The following STK17A variants were observed in gnomAD, a reference collection of about 807,000 sequenced individuals.
STK17A encodes serine/threonine-protein kinase 17A.
STK17A carries 26 observed loss-of-function variants against 43.7 expected under a neutral mutation model. The observed-to-expected ratio is 0.60, with a 90% CI of 0.44 to 0.83. The LOEUF (loss-of-function observed/expected upper bound fraction) is 0.83, where lower values mean the gene tolerates loss of function less well. Among genes scored for constraint, STK17A ranks in the 40% least tolerant of loss-of-function variants. The pLI, the probability that STK17A is intolerant of heterozygous loss-of-function variation, is 0.00. For synonymous variants in STK17A, 191 were observed against 182.5 expected, an observed-to-expected ratio of 1.05 and a Z score of -0.38; for missense variants, 476 against 511.6, an observed-to-expected ratio of 0.93 and a Z score of 0.67.
intron 1 of STK17A, among the ~76,000 whole-genome samples, chr7:43,589,473 T>C (rs1317353004): frequency 6.6e-6 from 1 of 151,426 alleles, no homozygotes; most frequent in Non-Finnish European, 1.5e-5. Flanking sequence ...TATTCTATTA[T>C]CTCTTCACCT....
intron 1 of STK17A, among the ~76,000 whole-genome samples, chr7:43,583,894 C>A (rs73102723): frequency 6.6e-6 from 1 of 152,062 alleles, no homozygotes; most frequent in South Asian, 2.1e-4. Context: ...ATACAGCATC[C>A]GTTGTGACCG....
At chr7:43,595,123 T>G (rs890878247) in intron 1 of STK17A, among the ~76,000 whole-genome samples, 4 of 152,114 alleles carry the variant, frequency 2.6e-5, no homozygotes, top group Non-Finnish European at 5.9e-5. Flanking sequence ...GAAAATACAT[T>G]TCTAGCTGAC....
At chr7:43,618,841 G>A (rs942819746) in intron 3 of STK17A, among the ~76,000 whole-genome samples, 2 of 152,078 alleles carry the variant, frequency 1.3e-5, no homozygotes, top group Non-Finnish European at 2.9e-5. Flanking sequence ...GAGAACTTAG[G>A]GTAGAAGTCA....
chr7:43,591,150 T>C (rs1454170376), intron 1 of STK17A, among the ~76,000 whole-genome samples: 1 of 151,510 alleles, frequency 6.6e-6, no homozygotes, highest in Non-Finnish European at 1.5e-5. Context: ...TGGTATGTGG[T>C]ATTAGAATGA....
intron 1 of STK17A, among the ~76,000 whole-genome samples, chr7:43,586,412 T>G (rs1238206435): frequency 6.6e-6 from 1 of 151,606 alleles, no homozygotes. Flanking sequence ...CTTTCATGTC[T>G]CCAACAGAGT....
chr7:43,583,140 G>A lies in STK17A; in HGVS notation c.-104G>A. ...GAGCGCCGCGCTGGGGAGAGCGGGT[G>A]TTTGAAGGCTCCGCGGACCGGCACT... On this transcript the variant is annotated 5_prime_UTR_variant, in exon 1 of 7. Coordinates refer to ENST00000319357, the MANE Select transcript of STK17A (RefSeq NM_004760.3). 13 of 1,285,640 alleles carry A rather than the reference G, an allele frequency of 1.0e-5. No individual in the cohort carries two copies. Among genetic ancestry groups the A allele is most frequent in the Admixed American group, 2.5e-5 (1 of 40,698 alleles). The allele number at this position is 1,285,640 out of a possible 1,614,324, so 79.6% of individuals were successfully genotyped here.
chr7:43,607,826 T>G (rs929290024), intron 2 of STK17A, among the ~76,000 whole-genome samples: 2 of 152,152 alleles, frequency 1.3e-5, no homozygotes, highest in African/African-American at 4.8e-5. Flanking sequence ...ATGCAGTTCT[T>G]TATTTCAATT....
At chr7:43,589,757 T>C (rs1488531624) in intron 1 of STK17A, among the ~76,000 whole-genome samples, 1 of 146,864 alleles carries the variant, frequency 6.8e-6, no homozygotes, top group Non-Finnish European at 1.6e-5. Flanking sequence ...TTTAAACATA[T>C]TCTCTCTTCC....
At chr7:43,614,441 T>A (rs2083164402) in intron 3 of STK17A, among the ~76,000 whole-genome samples, 1 of 152,228 alleles carries the variant, frequency 6.6e-6, no homozygotes. Context: ...TTAACTAAAT[T>A]GTAAATGCTG....
intron 1 of STK17A, 24 bp from the exon 2 acceptor site, chr7:43,595,877 G>T: frequency 1.9e-6 from 3 of 1,607,354 alleles, no homozygotes; most frequent in Non-Finnish European, 2.6e-6. Context: ...AACTTTAACA[G>T]TGAATGTTTT....
Position 43,583,148 on chromosome 7 carries a change from G to C in STK17A, c.-96G>C, listed in dbSNP as rs1196067272. On this transcript the variant is annotated 5_prime_UTR_variant, in exon 1 of 7. Transcript: ENST00000319357. ...CGCTGGGGAGAGCGGGTGTTTGAAG[G>C]CTCCGCGGACCGGCACTAGGAGCCG... 14 of 1,354,442 alleles carry C rather than the reference G, an allele frequency of 1.0e-5. No individual in the cohort carries two copies. The highest frequency in any genetic ancestry group is 1.4e-5 in the Non-Finnish European group (14 of 996,896). 83.9% of individuals were successfully genotyped at this position (1,354,442 alleles called of 1,614,324 possible).
chr7:43,605,139 A>G (rs2082580235), intron 2 of STK17A, among the ~76,000 whole-genome samples: 1 of 152,076 alleles, frequency 6.6e-6, no homozygotes, highest in South Asian at 2.1e-4. Context: ...CAATTCCATC[A>G]TCTCTGTCAT....
In STK17A at chr7:43,583,324, G is replaced by A. The variant is rs746384810; in HGVS notation, c.81G>A (p.Leu27=). The A allele has an allele frequency of 6.8e-7, 1 of 1,470,914 alleles. No homozygotes were observed. Among genetic ancestry groups the A allele is most frequent in the Non-Finnish European group, 9.0e-7 (1 of 1,110,608 alleles). The allele number at this position is 1,470,914 out of a possible 1,614,324, so 91.1% of individuals were successfully genotyped here. Residue 27 remains leucine, a synonymous_variant, in exon 1 of 7, where the codon CTG becomes CTA. Coordinates refer to ENST00000319357, the MANE Select transcript of STK17A (RefSeq NM_004760.3). ...TSGSGRAGRG[L]SGPCRPPPPP... is the part of the protein sequence containing the mutation. ...GCTCGGGCCGGGCAGGCCGGGGTCT[G>A]AGCGGGCCGTGCCGGCCGCCGCCGC...
At position 43,624,192 on chromosome 7, in the gene STK17A, T is replaced by C. The variant is rs115355456; in HGVS notation, c.920+304T>C. ...ATTGCAAATGTGTCATGGCAGTAAA[T>C]AGCACTCATAATTCATGGTTAGTAG... On this transcript the variant is annotated intron_variant, in intron 6 of 6. Transcript: ENST00000319357. Among the ~76,000 whole-genome samples the C allele has an allele frequency of 7.1e-3, 1,082 of 152,306 alleles. 10 individuals carry two copies. The highest frequency in any genetic ancestry group is 0.025 in the African/African-American group (1,026 of 41,552).
chr7:43,593,086 T>C (rs543814902), intron 1 of STK17A, among the ~76,000 whole-genome samples: 1 of 152,304 alleles, frequency 6.6e-6, no homozygotes, highest in Non-Finnish European at 1.5e-5. Flanking sequence ...TCCCACTCTC[T>C]TACTGTTTGG....
intron 1 of STK17A, among the ~76,000 whole-genome samples, chr7:43,586,881 A>G (rs1378194595): frequency 1.3e-5 from 2 of 151,532 alleles, no homozygotes; most frequent in African/African-American, 2.4e-5. Flanking sequence ...CAGGTACTTT[A>G]TAATGTGCAG....
intron 3 of STK17A, among the ~76,000 whole-genome samples, chr7:43,617,369 T>C (rs919526505): frequency 3.3e-5 from 5 of 152,322 alleles, no homozygotes; most frequent in Admixed American, 2.6e-4. Context: ...GCCATTGCAA[T>C]AGAGCAAGAA....
intron 3 of STK17A, among the ~76,000 whole-genome samples, chr7:43,618,453 G>A (rs62461078): frequency 0.18 from 27,303 of 152,066 alleles, 2,795 homozygotes; most frequent in East Asian, 0.31. Context: ...CTTTGGAGCC[G>A]TGACAGATTA....
chr7:43,612,306 G>C (rs1220596603), intron 3 of STK17A, among the ~76,000 whole-genome samples: 1 of 152,322 alleles, frequency 6.6e-6, no homozygotes, highest in East Asian at 1.9e-4. Flanking sequence ...GGAGAGGATA[G>C]AGATGGGGTT....
Sources: allele counts gnomAD v4.1 joint callset (sites outside exome capture counted in the v4.1 genomes callset), GRCh38; gene constraint gnomAD v4.1.1; transcripts MANE v1.5; gene names NCBI Gene and HGNC (gene_info 2026-07-23, HGNC 2026-07-21).